Variants in ASAH1 observed in about 807,000 individuals in gnomAD.
The protein encoded by ASAH1 is N-acylsphingosine amidohydrolase 1, also known as acid ceramidase.
In ASAH1, 70 loss-of-function variants were observed where a neutral mutation model predicts 59.5. The ratio of observed to expected loss-of-function variants is 1.18; its 90% CI spans 0.97 to 1.43. ASAH1 has a LOEUF of 1.43. Ranked by LOEUF, ASAH1 falls within the 40% of genes most tolerant of loss-of-function variation. The pLI is 0.00. For missense variants in ASAH1, 660 were observed against 482.5 expected (o/e 1.37, Z -3.45); for synonymous variants, 213 against 166.5 (o/e 1.28, Z -2.15).
chr8:18,082,929 G>C (rs891685868), intron 1 of ASAH1, among the ~76,000 whole-genome samples: 1 of 152,062 alleles, frequency 6.6e-6, no homozygotes, highest in Admixed American at 6.5e-5. Flanking sequence ...CTTTAATCGT[G>C]TCCACATACA....
At position 18,071,372 on chromosome 8, in the gene ASAH1, T is replaced by C. The variant is rs757786447; in HGVS notation, c.144A>G (p.Pro48=). 8 of 1,598,128 alleles carry C rather than the reference T, an allele frequency of 5.0e-6. No homozygotes were observed. In the African/African-American group the frequency reaches 6.7e-5, roughly 13 times the overall value. The part of the protein sequence containing the change: ...PSGPTYRGAV[P]WYTINLDLPP... Reference sequence around the variant, plus strand: ...GTAAGTCAAGATTTATGGTGTACCATGGAACTGCACCTCTGTACCTGTAAT... The same window carrying C: ...GTAAGTCAAGATTTATGGTGTACCACGGAACTGCACCTCTGTACCTGTAAT... Residue 48 remains proline, a synonymous_variant, in exon 3 of 14, where the codon CCA becomes CCG. Coordinates refer to ENST00000637790, the MANE Select transcript of ASAH1 (RefSeq NM_177924.5).
chr8:18,070,682 G>T (rs955817614), intron 3 of ASAH1, among the ~76,000 whole-genome samples: 1 of 152,176 alleles, frequency 6.6e-6, no homozygotes, highest in Non-Finnish European at 1.5e-5. Context: ...TAAAGGGAAA[G>T]AAACAAAGGT....
intron 5 of ASAH1, 101 bp downstream of exon 5, chr8:18,067,119 T>TAAGACATACAGCACCTGTGCTGTATATCG: frequency 1.8e-6 from 1 of 543,848 alleles, no homozygotes; most frequent in Non-Finnish European, 2.5e-6. Flanking sequence ...GCTGTATATC[T>TAAGACATACAGCACCTGTGCTGTATATCG]AAGACATACA....
chr8:18,075,504 G>A (rs377740555), intron 2 of ASAH1, 37 bp downstream of exon 2: 78 of 1,609,514 alleles, frequency 4.8e-5, no homozygotes, highest in African/African-American at 2.8e-4. Context: ...ACTTCACAAA[G>A]GTCAAAGGGA....
Position 18,067,210 on chromosome 8 carries a change from T to A in ASAH1, c.382+10A>T, listed in dbSNP as rs201735910. 3 of 1,592,614 alleles carry A rather than the reference T, an allele frequency of 1.9e-6. No individual in the cohort carries two copies. The highest frequency in any genetic ancestry group is 2.6e-6 in the Non-Finnish European group (3 of 1,166,536). The stretch of plus-strand genomic sequence containing the variant: ...TACTTTTTTTTTTAAAGCTTCTAAG[T>A]GAACTTTACCTAAAGGTATATCAGT... On this transcript the variant is annotated intron_variant, in intron 5 of 13. Coordinates refer to ENST00000637790, the MANE Select transcript of ASAH1 (RefSeq NM_177924.5).
intron 4 of ASAH1, among the ~76,000 whole-genome samples, chr8:18,068,892 A>G (rs899890973): frequency 1.3e-5 from 2 of 152,174 alleles, no homozygotes; most frequent in African/African-American, 4.8e-5. Flanking sequence ...TTGGGAGAAC[A>G]CTTTGGGAGG....
intron 6 of ASAH1, chr8:18,064,128 GA>G: frequency 2.0e-6 from 1 of 495,994 alleles, no homozygotes; most frequent in Non-Finnish European, 3.5e-6. Flanking sequence ...CATACACGAA[GA>G]TAAGGAAGCA....
At chr8:18,063,858 A>G (rs1370047577) in intron 6 of ASAH1, 2 of 158,818 alleles carry the variant, frequency 1.3e-5, no homozygotes, top group Non-Finnish European at 2.8e-5. Flanking sequence ...CGGAGCCTCA[A>G]TTACTGTGAT....
chr8:18,073,980 G>A (rs1800284197), intron 2 of ASAH1, among the ~76,000 whole-genome samples: 1 of 152,202 alleles, frequency 6.6e-6, no homozygotes, highest in South Asian at 2.1e-4. Flanking sequence ...ATACATGTAG[G>A]TATGTATGCA....
intron 2 of ASAH1, among the ~76,000 whole-genome samples, chr8:18,072,172 C>T (rs558145430): frequency 6.6e-6 from 1 of 152,310 alleles, no homozygotes; most frequent in African/African-American, 2.4e-5. Context: ...ACTGAAATAG[C>T]TTTTAAGGGT....
intron 5 of ASAH1, 58 bp from the exon 6 acceptor site, chr8:18,064,589 T>C (rs1799852391): frequency 9.7e-7 from 1 of 1,027,000 alleles, no homozygotes; most frequent in Non-Finnish European, 1.5e-6. Flanking sequence ...GGAGAAAAAT[T>C]TGTTTTAAGA....
intron 1 of ASAH1, 82 bp from the exon 2 acceptor site, chr8:18,075,669 T>G: frequency 7.8e-7 from 1 of 1,281,772 alleles, no homozygotes; most frequent in East Asian, 2.3e-5. Context: ...AGTTAATCTG[T>G]GAAGACAACA....
At chr8:18,076,856 T>C (rs1305563907) in intron 1 of ASAH1, among the ~76,000 whole-genome samples, 2 of 152,216 alleles carry the variant, frequency 1.3e-5, no homozygotes, top group Admixed American at 6.5e-5. Flanking sequence ...ATAAAGTAGG[T>C]TGACATTACC....
At chr8:18,073,825 A>G (rs549784322) in intron 2 of ASAH1, among the ~76,000 whole-genome samples, 14 of 152,356 alleles carry the variant, frequency 9.2e-5, no homozygotes, top group African/African-American at 2.6e-4. Flanking sequence ...GAAGAGAAGG[A>G]TAAGAGCAAA....
chr8:18,079,274 G>GAAAA (rs3831581), intron 1 of ASAH1, among the ~76,000 whole-genome samples: 11 of 116,820 alleles, frequency 9.4e-5, no homozygotes, highest in Admixed American at 9.2e-5. Context: ...CTCCATCTCA[G>GAAAA]AAAAAAAAAA....
intron 1 of ASAH1, among the ~76,000 whole-genome samples, chr8:18,083,642 G>T (rs1445886283): frequency 6.6e-6 from 1 of 152,218 alleles, no homozygotes; most frequent in Admixed American, 6.5e-5. Context: ...CAGGTCCACC[G>T]GAACATTTTA....
At position 18,059,430 on chromosome 8, in the gene ASAH1, G is replaced by C. The variant is rs1056985038; in HGVS notation, c.952C>G (p.Gln318Glu). 1.2e-6 allele frequency: 2 copies of C among 1,614,166 alleles called. No homozygotes were observed. The highest frequency in any genetic ancestry group is 1.7e-6 in the Non-Finnish European group (2 of 1,180,030). The stretch of plus-strand genomic sequence containing the variant: ...TGTTTCCAACGGTCATAATTTGTTT[G>C]TACCACATACCATCTACCCTGCTTA... ...DAKQGRWYVV[Q>E]TNYDRWKHPF... Residue 318 changes from glutamine to glutamate, a missense_variant, in exon 12 of 14, where the codon CAA becomes GAA. Physicochemically the swap from Gln to Glu is conservative, Grantham distance 29. Coordinates refer to ENST00000637790, the MANE Select transcript of ASAH1 (RefSeq NM_177924.5).
rs753111968 is a variant in ASAH1, at chr8:18,057,517, G to A, written c.*17C>T. 3.8e-6 allele frequency: 6 copies of A among 1,578,092 alleles called. No homozygotes were observed. Among genetic ancestry groups the A allele is most frequent in the Non-Finnish European group, 5.2e-6 (6 of 1,152,994 alleles). Reference sequence around the variant, plus strand: ...CTTCATGTCTCAGAGGCCGCATTCTGTAGGCCAGACGTGTGCTCACCAACC... The same window carrying A: ...CTTCATGTCTCAGAGGCCGCATTCTATAGGCCAGACGTGTGCTCACCAACC... On this transcript the variant is annotated 3_prime_UTR_variant, in exon 14 of 14. Coordinates refer to ENST00000637790, the MANE Select transcript of ASAH1 (RefSeq NM_177924.5).
chr8:18,074,733 T>C (rs181454170), intron 2 of ASAH1, among the ~76,000 whole-genome samples: 4 of 152,346 alleles, frequency 2.6e-5, no homozygotes, highest in Admixed American at 2.0e-4. Context: ...AAAATATTAA[T>C]GTTAAACACA....
Sources: gnomAD v4.1 joint callset for allele counts (sites outside exome capture counted in the v4.1 genomes callset) on GRCh38, gnomAD v4.1.1 for gene constraint, MANE v1.5 for transcripts, NCBI Gene and HGNC (gene_info 2026-07-23, HGNC 2026-07-21) for gene names.